GABRR3: variants seen among roughly 807,000 people sequenced by gnomAD.
GABRR3 encodes the protein gamma-aminobutyric acid receptor subunit rho-3.
In GABRR3, 29 loss-of-function variants were observed where a neutral mutation model predicts 43.2. The observed-to-expected ratio is 0.67, with a 90% confidence interval of 0.50 to 0.92. GABRR3 has a LOEUF of 0.92. Among genes scored for constraint, GABRR3 ranks in the 40% least tolerant of loss-of-function variants. GABRR3 has a pLI of 0.00. For synonymous variants in GABRR3, 206 were observed against 195.9 expected (o/e 1.05, Z -0.43); for missense variants, 576 against 572.3 (o/e 1.01, Z -0.07).
At chr3:97,996,225 C>T (rs542536859) in intron 8 of GABRR3, among the ~76,000 whole-genome samples, 11 of 152,050 alleles carry the variant, frequency 7.2e-5, no homozygotes, top group Non-Finnish European at 1.3e-4. Flanking sequence ...TTATATTCAC[C>T]TTCAAGTGAG....
chr3:97,986,907 T>C, exon 10 of GABRR3: 3 of 1,611,866 alleles, frequency 1.9e-6, no homozygotes, highest in Non-Finnish European at 2.5e-6. Context: ...GTCTGGTCCA[T>C]GTCAATCTCG....
intron 9 of GABRR3, among the ~76,000 whole-genome samples, chr3:97,991,404 C>T (rs1010793065): frequency 3.9e-5 from 6 of 152,212 alleles, no homozygotes; most frequent in Non-Finnish European, 5.9e-5. Flanking sequence ...CCGGGTGATG[C>T]CTACGCACCA....
At chr3:98,012,205 AT>A in intron 5 of GABRR3, 138 bp downstream of exon 5, 1 of 658,576 alleles carries the variant, frequency 1.5e-6, no homozygotes, top group Non-Finnish European at 2.6e-6. Flanking sequence ...GGAAAATCAC[AT>A]CTTATGCTTG....
At chr3:98,012,828 T>C (rs555966375) in intron 4 of GABRR3, among the ~76,000 whole-genome samples, 24 of 152,342 alleles carry the variant, frequency 1.6e-4, no homozygotes, top group African/African-American at 4.8e-4. Flanking sequence ...AACCAGGTTA[T>C]AAATGGGAAG....
intron 3 of GABRR3, among the ~76,000 whole-genome samples, chr3:98,020,859 T>A (rs985353414): frequency 5.2e-5 from 7 of 133,980 alleles, no homozygotes; most frequent in African/African-American, 8.7e-5. Context: ...TTTCTTTTTC[T>A]TTTTCTTTTT....
At chr3:98,015,303 C>T (rs1197367826) in intron 4 of GABRR3, among the ~76,000 whole-genome samples, 1 of 152,176 alleles carries the variant, frequency 6.6e-6, no homozygotes, top group Non-Finnish European at 1.5e-5. Flanking sequence ...AGTTATTTTC[C>T]TGCCTCAACC....
chr3:98,021,048 A>G (rs1706938972), intron 3 of GABRR3, among the ~76,000 whole-genome samples: 1 of 151,258 alleles, frequency 6.6e-6, no homozygotes, highest in Non-Finnish European at 1.5e-5. Context: ...TATTTTTAGT[A>G]GAGACTGGGT....
downstream of GABRR3, chr3:97,986,543 G>A: frequency 1.7e-6 from 1 of 594,058 alleles, no homozygotes; most frequent in South Asian, 2.4e-5. Context: ...ATGTAAATCA[G>A]ACAGCTTTCA....
At chr3:97,989,032 AGTGGTGGTGG>A (rs1706426723) in intron 9 of GABRR3, among the ~76,000 whole-genome samples, 1 of 121,710 alleles carries the variant, frequency 8.2e-6, no homozygotes, top group African/African-American at 3.2e-5. Flanking sequence ...GGTATATGGT[AGTGGTGGTGG>A]GTGGTGAGTG....
At chr3:98,018,664 T>C (rs1435154229) in intron 3 of GABRR3, among the ~76,000 whole-genome samples, 2 of 152,232 alleles carry the variant, frequency 1.3e-5, no homozygotes, top group Admixed American at 1.3e-4. Context: ...TATTTATATA[T>C]GTAGTCTTTT....
chr3:97,998,597 A>G (rs1026080013), intron 8 of GABRR3: 4 of 152,100 alleles, frequency 2.6e-5, no homozygotes, highest in African/African-American at 9.7e-5. Context: ...GCTATCCACA[A>G]TTATCTGGAA....
At chr3:98,032,244 T>C (rs1057277499) in intron 2 of GABRR3, among the ~76,000 whole-genome samples, 11 of 152,178 alleles carry the variant, frequency 7.2e-5, no homozygotes, top group Non-Finnish European at 1.6e-4. Context: ...ATTTGCTACC[T>C]TTATTTTAGA....
Position 98,035,141 on chromosome 3 carries a change from T to G in GABRR3, c.-3+49A>C, listed in dbSNP as rs529289785. On this transcript the variant is annotated intron_variant, in intron 1 of 9. Coordinates refer to ENST00000621172, the Ensembl canonical transcript of GABRR3. ...AGACATTGTCTTCAATGCTGCACTTTGTTTTAGCAGATTAAATTGACTCAC... is the reference window on the plus strand; with the variant it reads ...AGACATTGTCTTCAATGCTGCACTTGGTTTTAGCAGATTAAATTGACTCAC... The G allele has an allele frequency of 2.6e-4, 224 of 858,212 alleles. 1 individual carries two copies. Among genetic ancestry groups the G allele is most frequent in the Middle Eastern group, 1.1e-3 (4 of 3,656 alleles). 53.2% of individuals were successfully genotyped at this position (858,212 alleles called of 1,614,324 possible).
At chr3:97,992,675 C>T (rs182412104) in intron 9 of GABRR3, among the ~76,000 whole-genome samples, 177 bp downstream of exon 9, 4 of 152,140 alleles carry the variant, frequency 2.6e-5, no homozygotes, top group Admixed American at 2.6e-4. Context: ...AAGAAAACAG[C>T]CAGCACAGAG....
At chr3:98,017,338 G>T (rs944844841) in intron 4 of GABRR3, among the ~76,000 whole-genome samples, 1 of 152,196 alleles carries the variant, frequency 6.6e-6, no homozygotes, top group Non-Finnish European at 1.5e-5. Context: ...CGCACATATA[G>T]TATGGTCATC....
At position 98,025,468 on chromosome 3, in the gene GABRR3, T is replaced by G. The variant is rs972191168; in HGVS notation, c.238+99A>C. ...AAAGCCTTCTTTTTTTGTTTTAAAC[T>G]GATGGACTTTACTTGCATTTTGGTC... On this transcript the variant is annotated intron_variant, in intron 3 of 9. Transcript: ENST00000621172. 5.7e-6 allele frequency: 4 copies of G among 703,798 alleles called. No homozygotes were observed. In the Admixed American group the frequency reaches 9.8e-5, roughly 17 times the overall value. 43.6% of individuals were successfully genotyped at this position (703,798 alleles called of 1,614,324 possible). A position where few individuals can be genotyped will look rare whatever the true frequency, so the allele number is the denominator to read the frequency against.
intron 4 of GABRR3, among the ~76,000 whole-genome samples, chr3:98,014,702 C>G (rs1165689829): frequency 2.0e-5 from 3 of 152,106 alleles, no homozygotes; most frequent in Non-Finnish European, 4.4e-5. Context: ...TTGTTTAGAA[C>G]TTTCTAGAAT....
chr3:97,990,374 A>C (rs1706448794), intron 9 of GABRR3, among the ~76,000 whole-genome samples: 1 of 150,984 alleles, frequency 6.6e-6, no homozygotes, highest in Non-Finnish European at 1.5e-5. Flanking sequence ...ACGGAGTCTT[A>C]TTCTGTCGTC....
chr3:98,003,442 G>A (rs1402888026), intron 7 of GABRR3, among the ~76,000 whole-genome samples: 4 of 150,050 alleles, frequency 2.7e-5, no homozygotes, highest in South Asian at 2.1e-4. Context: ...GGTGGGGTGG[G>A]GGCAGGGTGG....
Sources: allele counts gnomAD v4.1 joint callset (sites outside exome capture counted in the v4.1 genomes callset), GRCh38; gene constraint gnomAD v4.1.1; transcripts MANE v1.5; gene names NCBI Gene and HGNC (gene_info 2026-07-23, HGNC 2026-07-21).